SEMA3A: variants seen among roughly 807,000 people sequenced by gnomAD.
SEMA3A encodes semaphorin 3A, also known as semaphorin-3A.
In SEMA3A, 29 loss-of-function variants were observed where a neutral mutation model predicts 97.9. The ratio of observed to expected loss-of-function variants is 0.30; its 90% CI spans 0.22 to 0.40. The LOEUF (loss-of-function observed/expected upper bound fraction) is 0.40. Among genes scored for constraint, SEMA3A ranks in the 10% least tolerant of loss-of-function variants. The probability of loss-of-function intolerance (pLI) is 1.00; values close to 1 mark genes in which losing one functional copy is unlikely to be tolerated. For synonymous variants in SEMA3A, 321 were observed against 323.7 expected (o/e 0.99, Z 0.09); for missense variants, 763 against 951.3 (o/e 0.80, Z 2.60).
At chr7:84,023,519 A>T (rs1791402459) in intron 6 of SEMA3A, among the ~76,000 whole-genome samples, 1 of 152,174 alleles carries the variant, frequency 6.6e-6, no homozygotes, top group Admixed American at 6.5e-5. Flanking sequence ...AATAATTATA[A>T]ACTCTCTTGC....
In SEMA3A at chr7:84,437,657, C is replaced by T. The variant is rs1011975859; in HGVS notation, c.-246+54803G>A. ...GAAAATCTGGATATCCATCCTGATA[C>T]ATGAGAACAGAGTATTCCAGAGAAA... On this transcript the variant is annotated intron_variant, in intron 1 of 3. Coordinates refer to the SEMA3A transcript ENST00000424555. 2.0e-5 allele frequency among the ~76,000 whole-genome samples: 3 copies of T among 150,370 alleles called. No homozygotes were observed. The Admixed American group carries it at 2.0e-4, about 10-fold the overall frequency.
At chr7:84,008,632 T>TC (rs34257471) in intron 9 of SEMA3A, among the ~76,000 whole-genome samples, 15 of 151,526 alleles carry the variant, frequency 9.9e-5, no homozygotes, top group African/African-American at 3.6e-4. Flanking sequence ...TAAACAAACT[T>TC]CCCCCTTGAA....
At chr7:84,060,158 G>A (rs527554754) in intron 5 of SEMA3A, among the ~76,000 whole-genome samples, 1 of 152,198 alleles carries the variant, frequency 6.6e-6, no homozygotes, top group South Asian at 2.1e-4. Context: ...TGTATATTAG[G>A]ATGAGCCAGC....
At chr7:84,297,994 A>C (rs940180975) in intron 3 of SEMA3A, among the ~76,000 whole-genome samples, 5 of 152,160 alleles carry the variant, frequency 3.3e-5, no homozygotes, top group African/African-American at 1.2e-4. Context: ...TCCTGTATTA[A>C]ACCTCTTACT....
Position 84,360,825 on chromosome 7 carries a change from G to A in SEMA3A, c.-169+10999C>T, listed in dbSNP as rs186151471. ...TTTTTATTTTTTTTGAGAGTGTCTC[G>A]CTGTGTCACCCAGGCTGGAGTGCAG... On this transcript the variant is annotated intron_variant, in intron 2 of 3. Coordinates refer to the SEMA3A transcript ENST00000424555. Among the ~76,000 whole-genome samples the A allele has an allele frequency of 4.6e-3, 700 of 151,474 alleles. 1 individual carries two copies. Among genetic ancestry groups the A allele is most frequent in the Middle Eastern group, 0.024 (7 of 294 alleles).
intron 3 of SEMA3A, among the ~76,000 whole-genome samples, chr7:84,233,002 C>T (rs144904610): frequency 1.3e-4 from 20 of 151,922 alleles, no homozygotes; most frequent in Non-Finnish European, 2.7e-4. Flanking sequence ...CATTGCTTTA[C>T]CCCTAGGAGA....
At chr7:84,068,995 C>T (rs1793645134) in intron 4 of SEMA3A, among the ~76,000 whole-genome samples, 2 of 152,056 alleles carry the variant, frequency 1.3e-5, no homozygotes, top group Admixed American at 6.6e-5. Context: ...GTAATTCCTA[C>T]CCAAATTTCT....
intron 2 of SEMA3A, among the ~76,000 whole-genome samples, chr7:84,347,626 G>A (rs1802333544): frequency 6.6e-6 from 1 of 151,934 alleles, no homozygotes; most frequent in Admixed American, 6.6e-5. Context: ...TGGCCAGGAT[G>A]GTCTCGATCT....
chr7:84,248,357 C>T (rs914549021), intron 3 of SEMA3A, among the ~76,000 whole-genome samples: 2 of 152,132 alleles, frequency 1.3e-5, no homozygotes, highest in African/African-American at 4.8e-5. Context: ...AAATTAAGCA[C>T]AAGTACTTTC....
intron 3 of SEMA3A, among the ~76,000 whole-genome samples, chr7:84,282,427 T>G (rs936456554): frequency 1.3e-5 from 2 of 152,128 alleles, no homozygotes; most frequent in Non-Finnish European, 2.9e-5. Flanking sequence ...ATTCTAAGCA[T>G]CCTCATATTT....
At chr7:84,320,268 A>T (rs1006221814) in intron 2 of SEMA3A, among the ~76,000 whole-genome samples, 1 of 152,216 alleles carries the variant, frequency 6.6e-6, no homozygotes, top group Admixed American at 6.5e-5. Context: ...GTCTCTGGGT[A>T]TTATAATTTA....
At chr7:84,088,693 G>A (rs1054416194) in intron 4 of SEMA3A, among the ~76,000 whole-genome samples, 1 of 152,028 alleles carries the variant, frequency 6.6e-6, no homozygotes, top group Non-Finnish European at 1.5e-5. Flanking sequence ...GACATATTCA[G>A]AAAACAATAT....
chr7:84,385,741 C>T (rs1054987825), intron 1 of SEMA3A, among the ~76,000 whole-genome samples: 1 of 152,102 alleles, frequency 6.6e-6, no homozygotes, highest in Non-Finnish European at 1.5e-5. Context: ...TGCTTTGATG[C>T]GGTTTAATCA....
intron 1 of SEMA3A, among the ~76,000 whole-genome samples, chr7:84,455,431 C>T (rs899461297): frequency 3.3e-5 from 5 of 151,794 alleles, no homozygotes; most frequent in African/African-American, 1.2e-4. Flanking sequence ...GTATGTTAAA[C>T]TAATATTTCT....
Position 83,960,355 on chromosome 7 carries a change from T to A in SEMA3A, c.*1016A>T, listed in dbSNP as rs78252722. 133 of 152,198 alleles carry A rather than the reference T, an allele frequency of 8.7e-4. 3 individuals are homozygous for A. In the East Asian group the frequency reaches 0.016, roughly 18 times the overall value. 9.4% of individuals were successfully genotyped at this position (152,198 alleles called of 1,614,324 possible). A position where few individuals can be genotyped will look rare whatever the true frequency, so the allele number is the denominator to read the frequency against. ...AGTAAAATGCACTTAAAAATCAACT[T>A]GTTTCTTCCTTTTTTCCTGCTTAAA... On this transcript the variant is annotated 3_prime_UTR_variant, in exon 17 of 17. Coordinates refer to ENST00000265362, the MANE Select transcript of SEMA3A (RefSeq NM_006080.3).
intron 1 of SEMA3A, among the ~76,000 whole-genome samples, chr7:84,402,242 G>GA (rs1803924980): frequency 6.6e-6 from 1 of 152,096 alleles, no homozygotes; most frequent in East Asian, 1.9e-4. Context: ...TGGGTATATG[G>GA]AAAAATGCTC....
At position 84,020,295 on chromosome 7, in the gene SEMA3A, T is replaced by C. The variant is rs192277884; in HGVS notation, c.668-5944A>G. On this transcript the variant is annotated intron_variant, in intron 6 of 16. Coordinates refer to ENST00000265362, the MANE Select transcript of SEMA3A (RefSeq NM_006080.3). ...CCTGACCTCAGGTGATCCACCTACC[T>C]TGGCTTCCCAAAGTGCTGGATTACA... 3.4e-3 allele frequency among the ~76,000 whole-genome samples: 518 copies of C among 152,138 alleles called. 2 individuals carry two copies. Among genetic ancestry groups the C allele is most frequent in the African/African-American group, 0.012 (497 of 41,552 alleles).
rs535098549 is a variant in SEMA3A, at chr7:84,428,548, C to G, written c.-245-56648G>C. Among the ~76,000 whole-genome samples the G allele has an allele frequency of 3.3e-5, 5 of 151,922 alleles. No homozygotes were observed. The South Asian group carries it at 1.0e-3, about 32-fold the overall frequency. On this transcript the variant is annotated intron_variant, in intron 1 of 3. Transcript: ENST00000424555. Reference sequence around the variant, plus strand: ...CTTTTTTTGTATATTTTAAAAATTTCTTTGAATATTGTCCTATTTGAGAAT... The same window carrying G: ...CTTTTTTTGTATATTTTAAAAATTTGTTTGAATATTGTCCTATTTGAGAAT...
chr7:84,313,390 A>G (rs185630302), intron 2 of SEMA3A, among the ~76,000 whole-genome samples: 1 of 91,974 alleles, frequency 1.1e-5, no homozygotes, highest in African/African-American at 3.3e-5. Flanking sequence ...ATATATATAT[A>G]TATATATATA....
Sources: gnomAD v4.1 joint callset for allele counts (sites outside exome capture counted in the v4.1 genomes callset) on GRCh38, gnomAD v4.1.1 for gene constraint, MANE v1.5 for transcripts, NCBI Gene and HGNC (gene_info 2026-07-23, HGNC 2026-07-21) for gene names.